EPM2A: variants seen among roughly 807,000 people sequenced by gnomAD.
EPM2A encodes EPM2A glucan phosphatase, laforin.
A neutral mutation model predicts 26.5 loss-of-function variants in EPM2A; 21 were observed. That is an observed-to-expected ratio of 0.79 (90% confidence interval 0.56 to 1.14). EPM2A has a LOEUF of 1.14. Among genes scored for constraint, EPM2A ranks in the 50% most tolerant of loss-of-function variants. The pLI, the probability that EPM2A is intolerant of heterozygous loss-of-function variation, is 0.00. For missense variants in EPM2A, 458 were observed against 440.8 expected (o/e 1.04, Z -0.35); for synonymous variants, 217 against 177.6 (o/e 1.22, Z -1.76).
chr6:145,468,053 C>G (rs1779422944), intron 4 of EPM2A, among the ~76,000 whole-genome samples: 1 of 151,690 alleles, frequency 6.6e-6, no homozygotes, highest in Admixed American at 6.6e-5. Flanking sequence ...CTAGTTTAAT[C>G]CTTGCGTAAC....
intron 2 of EPM2A, among the ~76,000 whole-genome samples, chr6:145,609,486 T>G (rs1038030068): frequency 6.6e-6 from 1 of 152,330 alleles, no homozygotes; most frequent in Middle Eastern, 3.4e-3. Flanking sequence ...ACATAAACTC[T>G]AAATTATTTT....
At chr6:145,711,577 G>T (rs1775329200) in intron 1 of EPM2A, among the ~76,000 whole-genome samples, 1 of 152,096 alleles carries the variant, frequency 6.6e-6, no homozygotes, top group Non-Finnish European at 1.5e-5. Flanking sequence ...GTCCTCCAGA[G>T]AAAGAATTTA....
chr6:145,497,913 T>C (rs112074845), downstream of EPM2A, among the ~76,000 whole-genome samples: 8,090 of 152,232 alleles, frequency 0.053, 688 homozygotes, highest in African/African-American at 0.18. Flanking sequence ...ACAGCAAAGA[T>C]AGTGGCCCTC....
At chr6:145,500,771 C>T (rs945050343), downstream of EPM2A, among the ~76,000 whole-genome samples, 3 of 152,138 alleles carry the variant, frequency 2.0e-5, no homozygotes, top group African/African-American at 7.2e-5. Flanking sequence ...GAGAAAATGA[C>T]CTTCAACTAT....
At chr6:145,597,085 G>A (rs1321640391) in intron 2 of EPM2A, among the ~76,000 whole-genome samples, 4 of 150,690 alleles carry the variant, frequency 2.7e-5, no homozygotes, top group Non-Finnish European at 5.9e-5. Context: ...TAGTAGAGAC[G>A]GGGTTTCACC....
chr6:145,469,514 C>G (rs1779445559), intron 4 of EPM2A, among the ~76,000 whole-genome samples: 1 of 151,888 alleles, frequency 6.6e-6, no homozygotes, highest in Non-Finnish European at 1.5e-5. Flanking sequence ...ATCCAAAAGA[C>G]AGGGAATAAC....
At chr6:145,391,114 C>A (rs1293284985) in intron 4 of EPM2A, among the ~76,000 whole-genome samples, 1 of 152,148 alleles carries the variant, frequency 6.6e-6, no homozygotes, top group African/African-American at 2.4e-5. Context: ...CCCAGAGAAA[C>A]CTTAAAAACT....
At chr6:145,694,001 T>C (rs1781429742) in intron 1 of EPM2A, among the ~76,000 whole-genome samples, 3 of 151,948 alleles carry the variant, frequency 2.0e-5, no homozygotes, top group African/African-American at 4.8e-5. Context: ...CATAGTTCTA[T>C]AAGTTTGAGA....
At chr6:145,407,008 G>T (rs1228163009) in intron 4 of EPM2A, among the ~76,000 whole-genome samples, 3 of 152,130 alleles carry the variant, frequency 2.0e-5, no homozygotes, top group Admixed American at 6.6e-5. Context: ...AAGGAGTTAG[G>T]GAAGTGGTGG....
At chr6:145,575,087 T>C (rs960478200) in intron 2 of EPM2A, among the ~76,000 whole-genome samples, 36 of 152,066 alleles carry the variant, frequency 2.4e-4, no homozygotes, top group Non-Finnish European at 5.9e-5. Flanking sequence ...ATCAACATTA[T>C]CTTGCCTGTC....
chr6:145,644,274 A>C (rs1777296550), intron 2 of EPM2A, among the ~76,000 whole-genome samples: 1 of 152,206 alleles, frequency 6.6e-6, no homozygotes, highest in Non-Finnish European at 1.5e-5. Context: ...ATGATTTTAA[A>C]ATCTCTTTTG....
intron 2 of EPM2A, among the ~76,000 whole-genome samples, chr6:145,606,678 G>T (rs1367322287): frequency 1.3e-5 from 2 of 152,118 alleles, no homozygotes; most frequent in Non-Finnish European, 2.9e-5. Flanking sequence ...CCTGTACTCT[G>T]TAAGGGAAAA....
In EPM2A at chr6:145,645,693, C is replaced by A. The variant is rs1290927246; in HGVS notation, c.477-10207G>T. Among the ~76,000 whole-genome samples the A allele has an allele frequency of 2.0e-5, 3 of 151,936 alleles. No homozygotes were observed. The East Asian group carries it at 5.8e-4, about 29-fold the overall frequency. On this transcript the variant is annotated intron_variant, in intron 2 of 3. Transcript: ENST00000367519. The stretch of plus-strand genomic sequence containing the variant: ...TCAGCTCAGTGCAACCTCTGTCTCC[C>A]AGGCTCAAGCACTCCTCCTGCCTCA...
intron 2 of EPM2A, among the ~76,000 whole-genome samples, chr6:145,553,623 AG>A (rs577314555): frequency 8.0e-4 from 121 of 152,096 alleles, no homozygotes; most frequent in Admixed American, 2.5e-3. Flanking sequence ...AATCAGAGCT[AG>A]CATTTCACAT....
chr6:145,472,691 G>A (rs1198671959), intron 4 of EPM2A, among the ~76,000 whole-genome samples: 1 of 152,146 alleles, frequency 6.6e-6, no homozygotes, highest in Non-Finnish European at 1.5e-5. Flanking sequence ...TTGAAAAGGG[G>A]AAGGAAGAAT....
intron 1 of EPM2A, among the ~76,000 whole-genome samples, chr6:145,730,510 T>C: frequency 6.6e-6 from 1 of 152,228 alleles, no homozygotes. Flanking sequence ...CCTGAGCTTC[T>C]TGTGGGAAAG....
At chr6:145,452,854 G>A (rs1338437554) in intron 4 of EPM2A, among the ~76,000 whole-genome samples, 1 of 152,138 alleles carries the variant, frequency 6.6e-6, no homozygotes, top group East Asian at 1.9e-4. Context: ...CTGGGTATAG[G>A]AAGCTGCTTT....
At chr6:145,448,527 G>A (rs1334527371) in intron 4 of EPM2A, among the ~76,000 whole-genome samples, 1 of 152,138 alleles carries the variant, frequency 6.6e-6, no homozygotes, top group Non-Finnish European at 1.5e-5. Context: ...CTAACTTGAG[G>A]AACAAAGAGT....
chr6:145,640,376 T>G (rs1777000931), intron 2 of EPM2A: 3 of 152,204 alleles, frequency 2.0e-5, no homozygotes, highest in Admixed American at 2.0e-4. Flanking sequence ...AGCATTATTT[T>G]GTGTCCATCG....
Sources: allele counts gnomAD v4.1 joint callset (sites outside exome capture counted in the v4.1 genomes callset), GRCh38; gene constraint gnomAD v4.1.1; transcripts MANE v1.5; gene names NCBI Gene and HGNC (gene_info 2026-07-23, HGNC 2026-07-21).